OPN5: variants seen among roughly 807,000 people sequenced by gnomAD.
OPN5 encodes the protein opsin-5.
Under a neutral mutation model 41.7 loss-of-function variants are expected in OPN5, and 18 were observed. The observed-to-expected ratio is 0.43, with a 90% confidence interval of 0.30 to 0.64. The LOEUF (loss-of-function observed/expected upper bound fraction) is 0.64, where lower values mean the gene tolerates loss of function less well. Among genes scored for constraint, OPN5 ranks in the 30% least tolerant of loss-of-function variants. The probability of loss-of-function intolerance (pLI) is 0.13; values close to 1 mark genes in which losing one functional copy is unlikely to be tolerated. For synonymous variants in OPN5, 178 were observed against 164.3 expected (o/e 1.08, Z -0.64); for missense variants, 318 against 434.5 (o/e 0.73, Z 2.38).
chr6:47,792,262 C>T lies in OPN5; in HGVS notation c.421+290C>T, dbSNP rs537722909. ...GTGTAAGCTTCCATCATGTTTCCCA[C>T]GCAAACAAAAGAAATAAAGTGCATC... On this transcript the variant is annotated intron_variant, in intron 3 of 6. Transcript: ENST00000371211. 5.5e-4 allele frequency among the ~76,000 whole-genome samples: 84 copies of T among 152,270 alleles called. No individual in the cohort carries two copies. In the Middle Eastern group the frequency reaches 0.01, roughly 18 times the overall value.
At chr6:47,819,893 A>G (rs535977436) in intron 6 of OPN5, among the ~76,000 whole-genome samples, 57 of 152,304 alleles carry the variant, frequency 3.7e-4, no homozygotes, top group African/African-American at 1.3e-3. Context: ...ATTTGCTGGG[A>G]AGCAAATTCC....
chr6:47,803,111 A>G (rs1773838488), intron 4 of OPN5, among the ~76,000 whole-genome samples: 1 of 152,176 alleles, frequency 6.6e-6, no homozygotes, highest in Admixed American at 6.5e-5. Flanking sequence ...CATTCTGTGG[A>G]TAAAATAGAA....
intron 2 of OPN5, 38 bp from the exon 3 acceptor site, chr6:47,791,764 C>T: frequency 6.2e-7 from 1 of 1,600,880 alleles, no homozygotes; most frequent in Non-Finnish European, 8.5e-7. Context: ...AAATAGTAAC[C>T]AGAGGAACGT....
chr6:47,804,947 C>G (rs1318558615), intron 4 of OPN5, among the ~76,000 whole-genome samples: 8 of 152,134 alleles, frequency 5.3e-5, no homozygotes, highest in Non-Finnish European at 2.9e-5. Flanking sequence ...GGACTAAGTG[C>G]TAATCTATTT....
At chr6:47,796,650 C>T (rs1039029246) in intron 4 of OPN5, among the ~76,000 whole-genome samples, 2 of 152,164 alleles carry the variant, frequency 1.3e-5, no homozygotes, top group Non-Finnish European at 2.9e-5. Flanking sequence ...CGAGTATTCT[C>T]ATGTTCACTT....
chr6:47,825,217 G>C (rs748376723), downstream of OPN5: 17 of 152,120 alleles, frequency 1.1e-4, no homozygotes, highest in Non-Finnish European at 2.1e-4. Flanking sequence ...ACAATAATAG[G>C]ATTTTGTTAA....
intron 5 of OPN5, among the ~76,000 whole-genome samples, chr6:47,809,379 T>C (rs1774103511): frequency 6.6e-6 from 1 of 152,206 alleles, no homozygotes. Context: ...TGTTCTTTCA[T>C]TGTGCCTGAG....
chr6:47,819,244 A>T (rs1762522009), intron 6 of OPN5, among the ~76,000 whole-genome samples: 1 of 149,286 alleles, frequency 6.7e-6, no homozygotes, highest in African/African-American at 2.5e-5. Context: ...GTGGCTGTTG[A>T]ACTCACCCCA....
chr6:47,826,074 T>A (rs537598676), downstream of OPN5: 15 of 152,284 alleles, frequency 9.9e-5, no homozygotes, highest in African/African-American at 3.4e-4. Context: ...TTGTTTAATA[T>A]CTTTTAAAAA....
intron 3 of OPN5, among the ~76,000 whole-genome samples, chr6:47,794,156 T>C (rs1773471784): frequency 6.6e-6 from 1 of 152,230 alleles, no homozygotes; most frequent in African/African-American, 2.4e-5. Context: ...TAGTCTTGCA[T>C]GCACAAGGTC....
At chr6:47,795,634 A>T (rs1442016944) in intron 4 of OPN5, 71 bp downstream of exon 4, 2 of 1,043,704 alleles carry the variant, frequency 1.9e-6, no homozygotes, top group Non-Finnish European at 2.9e-6. Flanking sequence ...AAGGATAGGG[A>T]ACGTTGGAGA....
chr6:47,816,852 A>C lies in OPN5; in HGVS notation c.1056+5121A>C, dbSNP rs181989145. Among the ~76,000 whole-genome samples the C allele has an allele frequency of 2.6e-5, 4 of 152,270 alleles. No individual in the cohort carries two copies. In the East Asian group the frequency reaches 7.7e-4, roughly 29 times the overall value. Reference sequence around the variant, plus strand: ...CCCATTGAAAATATAAATTAAAAGGAAACTATTGTTATCATCACTATTAGA... The same window carrying C: ...CCCATTGAAAATATAAATTAAAAGGCAACTATTGTTATCATCACTATTAGA... On this transcript the variant is annotated intron_variant, in intron 6 of 6. Transcript: ENST00000371211.
intron 6 of OPN5, chr6:47,823,664 T>C (rs1762705772): frequency 2.2e-6 from 1 of 465,032 alleles, no homozygotes; most frequent in East Asian, 3.2e-5. Flanking sequence ...TCTTTGGAGT[T>C]TGCATTTCAT....
At chr6:47,825,285 A>T (rs1203264585), downstream of OPN5, 1 of 152,232 alleles carries the variant, frequency 6.6e-6, no homozygotes, top group Non-Finnish European at 1.5e-5. Flanking sequence ...AGTACCTTTA[A>T]TTGGGCATAA....
At chr6:47,822,438 C>A (rs1362739374) in intron 6 of OPN5, among the ~76,000 whole-genome samples, 1 of 152,146 alleles carries the variant, frequency 6.6e-6, no homozygotes, top group Non-Finnish European at 1.5e-5. Flanking sequence ...TCCTTACACC[C>A]AAAACTGTAC....
intron 3 of OPN5, chr6:47,793,597 G>A (rs1452295963): frequency 6.5e-6 from 1 of 152,674 alleles, no homozygotes; most frequent in Non-Finnish European, 1.5e-5. Flanking sequence ...GCACAAGGCA[G>A]CCCATTCTCT....
exon 7 of OPN5, chr6:47,824,017 A>G: frequency 6.5e-7 from 1 of 1,544,024 alleles, no homozygotes. Flanking sequence ...TGAAGAGTGC[A>G]TCTGAAGTGC....
At chr6:47,797,691 C>G (rs1773621229) in intron 4 of OPN5, among the ~76,000 whole-genome samples, 3 of 152,182 alleles carry the variant, frequency 2.0e-5, no homozygotes, top group Admixed American at 2.0e-4. Context: ...AATGTGCTTT[C>G]TTCTTGCCAT....
At chr6:47,821,004 G>T (rs144317821) in intron 6 of OPN5, among the ~76,000 whole-genome samples, 1 of 152,218 alleles carries the variant, frequency 6.6e-6, no homozygotes, top group African/African-American at 2.4e-5. Flanking sequence ...AAAATCATAA[G>T]AAAGAGAAAA....
Sources: gnomAD v4.1 joint callset for allele counts (sites outside exome capture counted in the v4.1 genomes callset) on GRCh38, gnomAD v4.1.1 for gene constraint, MANE v1.5 for transcripts, NCBI Gene and HGNC (gene_info 2026-07-23, HGNC 2026-07-21) for gene names.